The following CPNE4 variants were observed in gnomAD, a reference collection of about 807,000 sequenced individuals.
The protein encoded by CPNE4 is copine 4.
CPNE4 carries 25 observed loss-of-function variants against 67.9 expected under a neutral mutation model. The ratio of observed to expected loss-of-function variants is 0.37; its 90% CI spans 0.27 to 0.51. CPNE4 has a LOEUF of 0.51. Among genes scored for constraint, CPNE4 ranks in the 20% least tolerant of loss-of-function variants. CPNE4 has a pLI of 0.93. For missense variants in CPNE4, 464 were observed against 690.8 expected (o/e 0.67, Z 3.68); for synonymous variants, 242 against 244.9 (o/e 0.99, Z 0.11).
chr3:131,663,731 C>T (rs1026426777), intron 7 of CPNE4, among the ~76,000 whole-genome samples: 13 of 152,088 alleles, frequency 8.5e-5, no homozygotes, highest in African/African-American at 3.1e-4. Context: ...GCATGGCAGC[C>T]TAAGATAGAC....
At chr3:131,919,291 A>G (rs539920153) in intron 1 of CPNE4, among the ~76,000 whole-genome samples, 45 of 152,310 alleles carry the variant, frequency 3.0e-4, no homozygotes, top group African/African-American at 1.0e-3. Flanking sequence ...ATTAGAAATA[A>G]CAACAGCAAC....
At chr3:131,627,193 CAAAAAAAA>C (rs57977015) in intron 7 of CPNE4, among the ~76,000 whole-genome samples, 3 of 68,394 alleles carry the variant, frequency 4.4e-5, no homozygotes, top group South Asian at 5.6e-4. Context: ...GACTCCATCT[CAAAAAAAA>C]AAAAAAAAAG....
intron 1 of CPNE4, among the ~76,000 whole-genome samples, chr3:131,913,754 C>T (rs2089076262): frequency 6.6e-6 from 1 of 152,196 alleles, no homozygotes; most frequent in Admixed American, 6.5e-5. Context: ...ATTGCAAACT[C>T]ACATGGATTC....
At chr3:131,624,914 T>C (rs1337087718) in intron 7 of CPNE4, among the ~76,000 whole-genome samples, 1 of 152,224 alleles carries the variant, frequency 6.6e-6, no homozygotes, top group Non-Finnish European at 1.5e-5. Context: ...GCACTTCTCA[T>C]GCACAGAAGC....
chr3:131,992,302 G>T (rs1357355283), intron 1 of CPNE4, among the ~76,000 whole-genome samples: 1 of 137,070 alleles, frequency 7.3e-6, no homozygotes, highest in African/African-American at 2.4e-5. Flanking sequence ...TCCCAAGGCT[G>T]TGGGAGCCCA....
intron 2 of CPNE4, among the ~76,000 whole-genome samples, chr3:131,881,543 T>G (rs2087673152): frequency 6.6e-6 from 1 of 152,026 alleles, no homozygotes; most frequent in Non-Finnish European, 1.5e-5. Context: ...TGGAAGGTAT[T>G]GACAATTCTC....
At chr3:131,951,944 C>A (rs533399072) in intron 1 of CPNE4, among the ~76,000 whole-genome samples, 5 of 152,304 alleles carry the variant, frequency 3.3e-5, no homozygotes, top group Admixed American at 3.3e-4. Flanking sequence ...CTGCCTTGGC[C>A]TCCCAAAGTG....
At chr3:131,922,589 G>C (rs1187575363) in intron 1 of CPNE4, among the ~76,000 whole-genome samples, 2 of 152,218 alleles carry the variant, frequency 1.3e-5, no homozygotes, top group African/African-American at 2.4e-5. Flanking sequence ...GAGGGCATGA[G>C]ATGCTCAAAT....
chr3:131,841,333 A>C (rs1264624885), intron 2 of CPNE4, among the ~76,000 whole-genome samples: 1 of 152,224 alleles, frequency 6.6e-6, no homozygotes, highest in African/African-American at 2.4e-5. Flanking sequence ...AAGCAAAATT[A>C]CATCACTAAG....
chr3:131,579,362 T>C (rs1000582327), intron 9 of CPNE4, among the ~76,000 whole-genome samples: 1 of 152,182 alleles, frequency 6.6e-6, no homozygotes, highest in African/African-American at 2.4e-5. Flanking sequence ...AAAGCTCTGA[T>C]GGAGATGTGC....
At chr3:132,023,739 G>T (rs908194007) in intron 1 of CPNE4, among the ~76,000 whole-genome samples, 1 of 151,914 alleles carries the variant, frequency 6.6e-6, no homozygotes, top group African/African-American at 2.4e-5. Flanking sequence ...CGCCCTCCTC[G>T]GCCTCCCAAA....
chr3:131,610,227 T>C (rs1408343245), intron 7 of CPNE4, among the ~76,000 whole-genome samples: 1 of 152,170 alleles, frequency 6.6e-6, no homozygotes, highest in Non-Finnish European at 1.5e-5. Context: ...AAGCCTATAA[T>C]CTAGCAAGAA....
At chr3:131,710,740 C>T (rs933205411) in intron 3 of CPNE4, among the ~76,000 whole-genome samples, 2 of 152,102 alleles carry the variant, frequency 1.3e-5, no homozygotes, top group African/African-American at 4.8e-5. Flanking sequence ...TTCTTCCCTT[C>T]GATTGACAAC....
chr3:131,924,728 T>C (rs2070845616), intron 1 of CPNE4, among the ~76,000 whole-genome samples: 1 of 152,138 alleles, frequency 6.6e-6, no homozygotes, highest in African/African-American at 2.4e-5. Context: ...ATAGAAACAA[T>C]GGTGACATAA....
chr3:131,793,495 C>T (rs2083836168), intron 2 of CPNE4, among the ~76,000 whole-genome samples: 1 of 152,148 alleles, frequency 6.6e-6, no homozygotes, highest in Non-Finnish European at 1.5e-5. Flanking sequence ...AACCAAAAAT[C>T]CCAAACACCG....
At chr3:131,950,851 T>C (rs2071700552) in intron 1 of CPNE4, among the ~76,000 whole-genome samples, 2 of 152,234 alleles carry the variant, frequency 1.3e-5, no homozygotes, top group Admixed American at 6.5e-5. Flanking sequence ...ATTTTTAACA[T>C]CCATGAATCC....
intron 2 of CPNE4, among the ~76,000 whole-genome samples, chr3:131,797,651 G>A (rs2083953976): frequency 6.6e-6 from 1 of 152,180 alleles, no homozygotes; most frequent in African/African-American, 2.4e-5. Flanking sequence ...ACACAAGGCT[G>A]GGTTAAGTAT....
At chr3:131,673,960 G>A (rs991228749) in intron 6 of CPNE4, among the ~76,000 whole-genome samples, 1 of 151,840 alleles carries the variant, frequency 6.6e-6, no homozygotes, top group East Asian at 1.9e-4. Context: ...GTTGTATATG[G>A]CTTTTGTTGT....
At chr3:131,820,258 TAGG>T (rs1320001197) in intron 2 of CPNE4, among the ~76,000 whole-genome samples, 1 of 152,194 alleles carries the variant, frequency 6.6e-6, no homozygotes, top group Admixed American at 6.5e-5. Flanking sequence ...GGTTGGGCAG[TAGG>T]AGAAGTTGTG....
Sources: allele counts gnomAD v4.1 joint callset (sites outside exome capture counted in the v4.1 genomes callset), GRCh38; gene constraint gnomAD v4.1.1; transcripts MANE v1.5; gene names NCBI Gene and HGNC (gene_info 2026-07-23, HGNC 2026-07-21).